The following AKAP6 variants were observed in gnomAD, a reference collection of about 807,000 sequenced individuals.
The protein encoded by AKAP6 is A-kinase anchor protein 6.
Under a neutral mutation model 188.5 loss-of-function variants are expected in AKAP6, and 58 were observed. The observed-to-expected ratio is 0.31, with a 90% confidence interval of 0.25 to 0.38. The LOEUF (loss-of-function observed/expected upper bound fraction) is 0.38. AKAP6 is among the 10% of genes least tolerant of loss of function. AKAP6 has a pLI of 1.00. For synonymous variants in AKAP6, 989 were observed against 998.6 expected, an observed-to-expected ratio of 0.99 and a Z score of 0.18; for missense variants, 2,710 against 2,740.0, an observed-to-expected ratio of 0.99 and a Z score of 0.24.
At chr14:32,338,571 AATC>A (rs1886791693) in intron 1 of AKAP6, among the ~76,000 whole-genome samples, 2 of 152,126 alleles carry the variant, frequency 1.3e-5, no homozygotes, top group African/African-American at 4.8e-5. Flanking sequence ...CCATGAGAAT[AATC>A]ATCATGTTTC....
intron 7 of AKAP6, among the ~76,000 whole-genome samples, chr14:32,653,667 C>T (rs114584743): frequency 0.011 from 1,696 of 152,128 alleles, 31 homozygotes; most frequent in African/African-American, 0.039. Flanking sequence ...TTGCCTAGTA[C>T]AGTTTGTCAT....
intron 2 of AKAP6, among the ~76,000 whole-genome samples, chr14:32,509,354 C>T (rs1881055124): frequency 6.6e-6 from 1 of 151,926 alleles, no homozygotes; most frequent in South Asian, 2.1e-4. Context: ...TCTTAAACTC[C>T]TGAGCTCAGG....
chr14:32,417,525 T>C (rs529709014), intron 1 of AKAP6, among the ~76,000 whole-genome samples: 8 of 152,256 alleles, frequency 5.3e-5, no homozygotes, highest in African/African-American at 1.9e-4. Context: ...TTTCCTGGAC[T>C]TGAAATTTCT....
intron 7 of AKAP6, among the ~76,000 whole-genome samples, chr14:32,646,836 G>T (rs1286811262): frequency 6.6e-6 from 1 of 152,056 alleles, no homozygotes; most frequent in African/African-American, 2.4e-5. Context: ...AAAGGGAAAA[G>T]GAGTACAGTG....
At position 32,540,166 on chromosome 14, in the gene AKAP6, CTCTATATA is replaced by C. The variant is rs1204694378; in HGVS notation, c.576+4363_576+4370del. ...TCTCTCTCTCTCTCTCTCTCTCTCTCTCTATATATATATATATATATATATATTTTAAT... is the reference window on the plus strand; with the variant it reads ...TCTCTCTCTCTCTCTCTCTCTCTCTCTATATATATATATATATATTTTAAT... On this transcript the variant is annotated intron_variant, in intron 3 of 13. Coordinates refer to ENST00000280979, the MANE Select transcript of AKAP6 (RefSeq NM_004274.5). Among the ~76,000 whole-genome samples, 126 of 87,410 alleles carry C rather than the reference CTCTATATA, an allele frequency of 1.4e-3. 1 individual carries two copies. The highest frequency in any genetic ancestry group is 2.0e-3 in the Non-Finnish European group (96 of 49,132). 57.3% of individuals were successfully genotyped at this position (87,410 alleles called of 152,430 possible).
chr14:32,762,619 A>G (rs1052967925), intron 11 of AKAP6, among the ~76,000 whole-genome samples: 5 of 152,110 alleles, frequency 3.3e-5, no homozygotes, highest in Non-Finnish European at 7.4e-5. Context: ...CACAAAAGCC[A>G]AGAGGAATAG....
At position 32,664,772 on chromosome 14, in the gene AKAP6, A is replaced by T. The variant is rs115029501; in HGVS notation, c.2731-13539A>T. Among the ~76,000 whole-genome samples, 1,266 of 152,088 alleles carry T rather than the reference A, an allele frequency of 8.3e-3. 26 individuals carry two copies. The highest frequency in any genetic ancestry group is 0.029 in the African/African-American group (1,195 of 41,496). ...CTGTGCAAATTAGGGCCCCATAGGA[A>T]GTCTCAGCTTCACATGGTCTACTCC... On this transcript the variant is annotated intron_variant, in intron 7 of 13. Transcript: ENST00000280979.
intron 2 of AKAP6, among the ~76,000 whole-genome samples, chr14:32,507,667 C>T (rs1880948705): frequency 6.6e-6 from 1 of 152,054 alleles, no homozygotes; most frequent in African/African-American, 2.4e-5. Flanking sequence ...ATGAGTGATG[C>T]AGTCAAGTGC....
intron 2 of AKAP6, among the ~76,000 whole-genome samples, chr14:32,497,664 C>T (rs1420962795): frequency 6.6e-6 from 1 of 151,908 alleles, no homozygotes; most frequent in Admixed American, 6.6e-5. Context: ...TTGTTCACAT[C>T]TTCTCTCTAT....
chr14:32,609,876 CTCTG>C (rs1162097589), intron 7 of AKAP6, among the ~76,000 whole-genome samples: 135 of 113,554 alleles, frequency 1.2e-3, no homozygotes, highest in African/African-American at 5.3e-3. Flanking sequence ...CTCTCTCTCT[CTCTG>C]ACACACACAC....
chr14:32,591,979 A>G (rs1885507246), intron 5 of AKAP6, among the ~76,000 whole-genome samples: 1 of 152,346 alleles, frequency 6.6e-6, no homozygotes, highest in South Asian at 2.1e-4. Context: ...CGCTGGGATC[A>G]TCTAACTGTA....
chr14:32,733,819 G>C (rs1445061625), intron 10 of AKAP6: 1 of 152,118 alleles, frequency 6.6e-6, no homozygotes, highest in Non-Finnish European at 1.5e-5. Flanking sequence ...GAGAAATGTG[G>C]TTAGTGTATG....
intron 7 of AKAP6, among the ~76,000 whole-genome samples, chr14:32,664,057 C>T (rs945523661): frequency 2.6e-5 from 4 of 151,854 alleles, no homozygotes; most frequent in Middle Eastern, 3.2e-3. Flanking sequence ...CTGAGATAAG[C>T]AAAAGTGAGA....
intron 1 of AKAP6, among the ~76,000 whole-genome samples, chr14:32,337,573 T>A (rs1459620401): frequency 3.3e-5 from 5 of 152,170 alleles, no homozygotes; most frequent in Non-Finnish European, 5.9e-5. Context: ...TTAAAAATTT[T>A]ATTTTATTAT....
intron 7 of AKAP6, among the ~76,000 whole-genome samples, chr14:32,654,178 A>G (rs1396914136): frequency 1.3e-5 from 2 of 152,166 alleles, no homozygotes; most frequent in Non-Finnish European, 2.9e-5. Context: ...AAAAAATGTC[A>G]TACTCAATTT....
At chr14:32,736,016 A>G in intron 11 of AKAP6, 134 bp downstream of exon 11, 1 of 647,810 alleles carries the variant, frequency 1.5e-6, no homozygotes, top group Admixed American at 3.2e-5. Context: ...GAATTTATAG[A>G]CAACCTCCAC....
At chr14:32,808,949 G>A (rs2034156052) in intron 12 of AKAP6, among the ~76,000 whole-genome samples, 1 of 152,164 alleles carries the variant, frequency 6.6e-6, no homozygotes, top group African/African-American at 2.4e-5. Flanking sequence ...TAATGCTCTA[G>A]GAGGAAGTTT....
chr14:32,721,551 T>C (rs2030537767), intron 9 of AKAP6, among the ~76,000 whole-genome samples: 3 of 152,204 alleles, frequency 2.0e-5, no homozygotes, highest in African/African-American at 4.8e-5. Context: ...AACGCCTCTC[T>C]AAAGTAGGAT....
chr14:32,418,335 T>G (rs1889726687), intron 1 of AKAP6, among the ~76,000 whole-genome samples: 1 of 152,202 alleles, frequency 6.6e-6, no homozygotes, highest in Non-Finnish European at 1.5e-5. Flanking sequence ...TAAAGTTTTA[T>G]CCAAGAGGGC....
Sources: allele counts gnomAD v4.1 joint callset (sites outside exome capture counted in the v4.1 genomes callset), GRCh38; gene constraint gnomAD v4.1.1; transcripts MANE v1.5; gene names NCBI Gene and HGNC (gene_info 2026-07-23, HGNC 2026-07-21).